UTRN: variants seen among roughly 807,000 people sequenced by gnomAD.
UTRN encodes utrophin, also known as dystrophin-related protein 1.
UTRN carries 283 observed loss-of-function variants against 463.9 expected under a neutral mutation model. That is an observed-to-expected ratio of 0.61 (90% CI 0.55 to 0.67). UTRN has a LOEUF of 0.67. Among genes scored for constraint, UTRN ranks in the 30% least tolerant of loss-of-function variants. UTRN has a pLI of 0.00. For missense variants in UTRN, 3,922 were observed against 4,084.3 expected (o/e 0.96, Z 1.08); for synonymous variants, 1,442 against 1,431.5 (o/e 1.01, Z -0.17).
intron 23 of UTRN, among the ~76,000 whole-genome samples, chr6:144,473,073 G>C (rs1391126895): frequency 6.6e-6 from 1 of 152,050 alleles, no homozygotes; most frequent in African/African-American, 2.4e-5. Flanking sequence ...GCCCTTATTT[G>C]CATTCTTTAA....
chr6:144,297,233 G>T (rs1373155123), intron 2 of UTRN, among the ~76,000 whole-genome samples: 1 of 152,006 alleles, frequency 6.6e-6, no homozygotes, highest in East Asian at 1.9e-4. Flanking sequence ...TGGTTGAGGA[G>T]TGTAGGGGAA....
intron 52 of UTRN, among the ~76,000 whole-genome samples, chr6:144,680,439 G>C (rs1326176398): frequency 6.6e-6 from 1 of 152,134 alleles, no homozygotes; most frequent in Non-Finnish European, 1.5e-5. Context: ...GCTTGTGGCA[G>C]TGGACTTTTG....
chr6:144,554,578 C>T, intron 48 of UTRN, 110 bp from the exon 49 acceptor site: 2 of 1,122,974 alleles, frequency 1.8e-6, no homozygotes, highest in Non-Finnish European at 2.5e-6. Flanking sequence ...TATCAGCTTG[C>T]CTTCTTCTGT....
Position 144,846,833 on chromosome 6 carries a change from A to C in UTRN, c.10293+6A>C, listed in dbSNP as rs754403316. ...ATGTTCCCAGCAGGCCACAGGTAAG[A>C]GTTAATGGCTTGGTTGGCTCTATGT... On this transcript the variant is annotated splice_donor_region_variant and intron_variant, in intron 74 of 74. Coordinates refer to ENST00000367545, the MANE Select transcript of UTRN (RefSeq NM_007124.3). 9 of 1,614,046 alleles carry C rather than the reference A, an allele frequency of 5.6e-6. No individual in the cohort carries two copies. The South Asian group carries it at 9.9e-5, about 18-fold the overall frequency.
At chr6:144,560,475 G>T (rs1410254699) in intron 50 of UTRN, among the ~76,000 whole-genome samples, 1 of 152,050 alleles carries the variant, frequency 6.6e-6, no homozygotes, top group Non-Finnish European at 1.5e-5. Context: ...CCGTCTAATG[G>T]CTGCTGAGAG....
rs757851180 is a variant in UTRN at position 144,403,159 on chromosome 6, A to G, written c.116A>G (p.Lys39Arg). Residue 39 changes from lysine (K) to arginine (R), a missense_variant, in exon 3 of 75, where the codon AAA (lysine) becomes AGA (arginine). By Grantham distance (26) the Lys-to-Arg change is conservative. This residue lies in a region of UTRN where 264 missense variants were observed against 327.9 expected (regional missense o/e 0.81). Coordinates refer to ENST00000367545, the MANE Select transcript of UTRN (RefSeq NM_007124.3). ...HNDVQKKTFTKWINARFSKSG... is the reference protein window; with the variant it reads ...HNDVQKKTFTRWINARFSKSG... ...GACGTACAGAAGAAAACCTTTACCA[A>G]ATGGATAAATGCTCGATTTTCAAAG... The G allele has an allele frequency of 6.2e-7, 1 of 1,613,624 alleles. No individual in the cohort carries two copies.
intron 2 of UTRN, among the ~76,000 whole-genome samples, chr6:144,374,725 G>A (rs910798836): frequency 1.3e-5 from 2 of 150,786 alleles, no homozygotes; most frequent in South Asian, 2.1e-4. Context: ...CTCGGGATCC[G>A]CCCGCCCCTG....
intron 12 of UTRN, 142 bp downstream of exon 12, chr6:144,439,037 G>A (rs1241160419): frequency 6.8e-6 from 6 of 885,550 alleles, no homozygotes; most frequent in African/African-American, 5.1e-5. Context: ...CTCACAGGGT[G>A]GAATTGATAG....
At chr6:144,850,206 AC>A (rs1239981164) in intron 74 of UTRN, among the ~76,000 whole-genome samples, 6 of 152,170 alleles carry the variant, frequency 3.9e-5, no homozygotes, top group Admixed American at 1.3e-4. Context: ...CTTTCAGCAT[AC>A]CTGGGAAAAG....
At chr6:144,634,943 A>G (rs1013996663) in intron 51 of UTRN, among the ~76,000 whole-genome samples, 1 of 152,062 alleles carries the variant, frequency 6.6e-6, no homozygotes, top group African/African-American at 2.4e-5. Flanking sequence ...GGTTGTTTCC[A>G]TATTTTGGCT....
chr6:144,423,276 T>C (rs1301113256), intron 4 of UTRN, among the ~76,000 whole-genome samples: 2 of 152,172 alleles, frequency 1.3e-5, no homozygotes, highest in Admixed American at 6.5e-5. Context: ...GGGGTGGGGT[T>C]GGACAGAGGT....
intron 52 of UTRN, among the ~76,000 whole-genome samples, chr6:144,699,473 GTTTTTTTTTTTTTT>G (rs71024902): frequency 3.8e-4 from 26 of 67,600 alleles, no homozygotes; most frequent in African/African-American, 6.6e-4. Context: ...TTAGTCAGTG[GTTTTTTTTTTTTTT>G]TTTTTTTTTT....
chr6:144,748,446 C>T lies in UTRN; in HGVS notation c.8140C>T (p.Arg2714Trp), dbSNP rs778217389. ...TGACATGAAGGAGGCAGAGTCCGTG[C>T]GGAATGGCTGGAAGCCCGTGGGAGA... ...DADMKEAESV[R>W]NGWKPVGDLL... Residue 2714 changes from arginine (R) to tryptophan (W), a missense_variant, in exon 55 of 75, where the codon CGG becomes TGG. Transcript: ENST00000367545. 5.6e-6 allele frequency: 9 copies of T among 1,613,816 alleles called. No homozygotes were observed. The highest frequency in any genetic ancestry group is 2.2e-5 in the South Asian group (2 of 91,088).
intron 2 of UTRN, among the ~76,000 whole-genome samples, chr6:144,315,885 A>T (rs1050818496): frequency 6.6e-6 from 1 of 152,222 alleles, no homozygotes; most frequent in Non-Finnish European, 1.5e-5. Context: ...TTGCCAGATG[A>T]GAACGTCATG....
At chr6:144,659,678 A>G (rs1287513859) in intron 51 of UTRN, among the ~76,000 whole-genome samples, 1 of 150,828 alleles carries the variant, frequency 6.6e-6, no homozygotes, top group East Asian at 1.9e-4. Context: ...CGAACTCTAC[A>G]TAAGTCATGC....
rs369719881 is a variant in UTRN at position 144,444,294 on chromosome 6, G to A, written c.1526G>A (p.Arg509His). ...LEDQLQKLGE[R>H]WTAVCRWTEE... ...TCCTTTTTCTAGAAACTTGGTGAGCGCTGGACAGCAGTATGCCGTTGGACT... is the reference window on the plus strand; with the variant it reads ...TCCTTTTTCTAGAAACTTGGTGAGCACTGGACAGCAGTATGCCGTTGGACT... Residue 509 changes from arginine to histidine, a missense_variant, in exon 14 of 75, where the codon CGC (arginine) becomes CAC (histidine). Coordinates refer to ENST00000367545, the MANE Select transcript of UTRN (RefSeq NM_007124.3). 28 of 1,610,638 alleles carry A rather than the reference G, an allele frequency of 1.7e-5. No homozygotes were observed. In the Admixed American group the frequency reaches 2.0e-4, roughly 12 times the overall value.
chr6:144,788,539 A>T (rs533334839), intron 61 of UTRN, among the ~76,000 whole-genome samples: 14 of 150,238 alleles, frequency 9.3e-5, no homozygotes, highest in African/African-American at 3.2e-4. Flanking sequence ...ATCTACAATT[A>T]TTAACGTATA....
At chr6:144,796,889 A>C (rs1294707192) in intron 63 of UTRN, among the ~76,000 whole-genome samples, 1 of 152,254 alleles carries the variant, frequency 6.6e-6, no homozygotes, top group Non-Finnish European at 1.5e-5. Context: ...TTATAGTCAT[A>C]CATGTAGGTT....
intron 73 of UTRN, among the ~76,000 whole-genome samples, chr6:144,841,610 C>T (rs991068400): frequency 6.6e-6 from 1 of 151,892 alleles, no homozygotes; most frequent in Non-Finnish European, 1.5e-5. Flanking sequence ...CATATATATA[C>T]ACACACACAT....
Sources: allele counts gnomAD v4.1 joint callset (sites outside exome capture counted in the v4.1 genomes callset), GRCh38; gene constraint gnomAD v4.1.1; regional missense constraint gnomAD v4.1.1; transcripts MANE v1.5; gene names NCBI Gene and HGNC (gene_info 2026-07-23, HGNC 2026-07-21).